Variants in COL18A1 observed in about 807,000 individuals in gnomAD.
COL18A1 encodes collagen type XVIII alpha 1 chain.
COL18A1 carries 133 observed loss-of-function variants against 168.0 expected under a neutral mutation model. The observed-to-expected ratio is 0.79, with a 90% CI of 0.69 to 0.91. COL18A1 has a LOEUF of 0.91. Ranked by LOEUF, COL18A1 falls within the 40% of genes least tolerant of loss-of-function variation. COL18A1 has a pLI of 0.00. For missense variants in COL18A1, 2,126 were observed against 1,925.4 expected (o/e 1.10, Z -1.95); for synonymous variants, 949 against 809.0 (o/e 1.17, Z -2.94).
At chr21:45,510,294 C>T (rs147320296) in intron 40 of COL18A1, 33 bp downstream of exon 40, 163 of 1,565,830 alleles carry the variant, frequency 1.0e-4, no homozygotes, top group Non-Finnish European at 1.3e-4. Flanking sequence ...GCGCGGGCTC[C>T]TCGGCCCCCA....
chr21:45,414,379 A>G (rs555560622), intron 2 of COL18A1, among the ~76,000 whole-genome samples: 2 of 152,166 alleles, frequency 1.3e-5, no homozygotes, highest in African/African-American at 2.4e-5. Context: ...TTCACCCCCA[A>G]AGGAATGGGC....
At chr21:45,456,923 C>T in intron 2 of COL18A1, 3 of 1,385,046 alleles carry the variant, frequency 2.2e-6, no homozygotes, top group South Asian at 1.7e-5. Flanking sequence ...TCCTTTTTGC[C>T]TTGCCAGGTA....
intron 22 of COL18A1, among the ~76,000 whole-genome samples, chr21:45,491,749 C>G (rs1205060490): frequency 6.6e-6 from 1 of 152,220 alleles, no homozygotes; most frequent in Non-Finnish European, 1.5e-5. Flanking sequence ...TCAGCTGCAC[C>G]CTCTGCGCCT....
At chr21:45,460,947 A>G (rs79011685) in intron 2 of COL18A1, among the ~76,000 whole-genome samples, 4,286 of 152,262 alleles carry the variant, frequency 0.028, 213 homozygotes, top group African/African-American at 0.097. Context: ...AATGAAAAGC[A>G]CAGCACTCCA....
intron 2 of COL18A1, chr21:45,456,765 G>T (rs1021281483): frequency 5.8e-5 from 90 of 1,541,276 alleles, no homozygotes; most frequent in Non-Finnish European, 7.6e-5. Context: ...TGCCAGTTCT[G>T]CGAGGCCCTG....
chr21:45,512,810 C>CTGTT lies in COL18A1; in HGVS notation c.*413_*416dup, dbSNP rs1381301805. On this transcript the variant is annotated 3_prime_UTR_variant, in exon 42 of 42. Coordinates refer to ENST00000651438, the MANE Select transcript of COL18A1 (RefSeq NM_001379500.1). ...ACCGTTCTGTGCACAAAACCCAGAC[C>CTGTT]TGTTAGCAGACAGGCCCCGTGAGGC... 1.0e-5 allele frequency: 3 copies of CTGTT among 297,520 alleles called. No homozygotes were observed. Among genetic ancestry groups the CTGTT allele is most frequent in the Non-Finnish European group, 1.9e-5 (3 of 154,104 alleles). 18.4% of individuals were successfully genotyped at this position (297,520 alleles called of 1,614,324 possible).
intron 37 of COL18A1, 98 bp from the exon 38 acceptor site, chr21:45,507,463 G>A: frequency 2.7e-6 from 1 of 365,640 alleles, no homozygotes; most frequent in Non-Finnish European, 3.8e-6. Context: ...GGCTGGGAGG[G>A]CCAGGTGCTG....
At chr21:45,504,357 G>A in intron 33 of COL18A1, 59 bp from the exon 34 acceptor site, 7 of 1,558,606 alleles carry the variant, frequency 4.5e-6, no homozygotes, top group Non-Finnish European at 6.1e-6. Context: ...GGGGATGGGA[G>A]GCCACCTGTG....
intron 2 of COL18A1, among the ~76,000 whole-genome samples, chr21:45,411,505 T>G (rs1006163569): frequency 2.6e-5 from 4 of 151,984 alleles, no homozygotes; most frequent in African/African-American, 9.7e-5. Context: ...AACACCACAA[T>G]GAGCCTCGGA....
chr21:45,507,438 G>C (rs2037280748), intron 37 of COL18A1, 123 bp from the exon 38 acceptor site: 1 of 891,370 alleles, frequency 1.1e-6, no homozygotes, highest in East Asian at 2.6e-5. Flanking sequence ...TGGGCAGGGA[G>C]GGCACCCTCC....
chr21:45,426,347 C>T (rs917680811), intron 2 of COL18A1, among the ~76,000 whole-genome samples: 4 of 152,154 alleles, frequency 2.6e-5, no homozygotes, highest in Non-Finnish European at 2.9e-5. Flanking sequence ...TCAGGTGATC[C>T]GCCTGCCTTG....
chr21:45,449,244 A>G (rs1412781994), intron 2 of COL18A1, among the ~76,000 whole-genome samples: 3 of 151,074 alleles, frequency 2.0e-5, no homozygotes, highest in Non-Finnish European at 4.4e-5. Context: ...CCTGGCTCAC[A>G]TGGGCTTCCA....
rs1252621647 is a variant in COL18A1, at chr21:45,405,396, C to CGCG, written c.39_41dup (p.Arg14dup). The CGCG allele has an allele frequency of 2.3e-6, 3 of 1,311,272 alleles. No individual in the cohort carries two copies. The highest frequency in any genetic ancestry group is 2.9e-6 in the Non-Finnish European group (3 of 1,027,656). 81.2% of individuals were successfully genotyped at this position (1,311,272 alleles called of 1,614,324 possible). A position where few individuals can be genotyped will look rare whatever the true frequency, so the allele number is the denominator to read the frequency against. Reference sequence around the variant, plus strand: ...CCGCGCAGGTGCCCCTGGCCATGGCCGCGGCGGCGGCGCCTCCTGGACGTG... The same window carrying CGCG: ...CCGCGCAGGTGCCCCTGGCCATGGCCGCGGCGGCGGCGGCGCCTCCTGGACGTG... On this transcript the variant is annotated inframe_insertion, in exon 2 of 42. Transcript: ENST00000651438.
chr21:45,456,359 GC>G (rs780511511), intron 2 of COL18A1: 1 of 1,550,016 alleles, frequency 6.5e-7, no homozygotes, highest in South Asian at 1.2e-5. Context: ...CAAGCACGCG[GC>G]CCCCTCCGCC....
At chr21:45,507,016 G>A (rs2037247554) in intron 37 of COL18A1, 1 of 305,732 alleles carries the variant, frequency 3.3e-6, no homozygotes, top group Non-Finnish European at 6.6e-6. Context: ...AGGGGCTTTG[G>A]TCCTGACAGG....
intron 2 of COL18A1, among the ~76,000 whole-genome samples, chr21:45,409,202 G>A (rs1243363296): frequency 6.6e-6 from 1 of 152,206 alleles, no homozygotes; most frequent in Non-Finnish European, 1.5e-5. Flanking sequence ...CAAGACGACA[G>A]GCCTGGCCAG....
Position 45,512,481 on chromosome 21 carries a change from C to T in COL18A1, c.*83C>T. 7.3e-7 allele frequency: 1 copy of T among 1,365,000 alleles called. No individual in the cohort carries two copies. The highest frequency in any genetic ancestry group is 1.2e-5 in the South Asian group (1 of 81,346). 84.6% of individuals were successfully genotyped at this position (1,365,000 alleles called of 1,614,324 possible). A position where few individuals can be genotyped will look rare whatever the true frequency, so the allele number is the denominator to read the frequency against. ...GTGGGCAGGGAGCGGCCGGCCAGCC[C>T]CTGGCCCCAGGACCTGGCTGCCATA... On this transcript the variant is annotated 3_prime_UTR_variant, in exon 42 of 42. Transcript: ENST00000651438.
rs1330260202 is a variant in COL18A1, at chr21:45,477,747, C to G, written c.1006-3C>G. On this transcript the variant is annotated splice_region_variant and splice_polypyrimidine_tract_variant and intron_variant, in intron 7 of 41. Coordinates refer to ENST00000651438, the MANE Select transcript of COL18A1 (RefSeq NM_001379500.1). ...CCGAGCCCTGTGTTCTGTTTATTCC[C>G]AGGGCGGCCTGAAGGGGCAGAAAGG... The G allele has an allele frequency of 1.3e-6, 2 of 1,536,010 alleles. No homozygotes were observed. The highest frequency in any genetic ancestry group is 2.4e-5 in the South Asian group (2 of 83,652).
chr21:45,474,049 G>A, intron 4 of COL18A1, 68 bp downstream of exon 4: 1 of 1,290,510 alleles, frequency 7.7e-7, no homozygotes, highest in Admixed American at 2.0e-5. Flanking sequence ...CAGGGCCAAG[G>A]TCTATGACAG....
Sources: allele counts gnomAD v4.1 joint callset (sites outside exome capture counted in the v4.1 genomes callset), GRCh38; gene constraint gnomAD v4.1.1; transcripts MANE v1.5; gene names NCBI Gene and HGNC (gene_info 2026-07-23, HGNC 2026-07-21).